Variants in DCC observed in about 807,000 individuals in gnomAD.
DCC encodes DCC netrin 1 receptor.
A neutral mutation model predicts 172.5 loss-of-function variants in DCC; 58 were observed. That is an observed-to-expected ratio of 0.34 (90% CI 0.27 to 0.42). DCC has a LOEUF of 0.42. Among genes scored for constraint, DCC ranks in the 10% least tolerant of loss-of-function variants. The probability of loss-of-function intolerance (pLI) is 1.00; values close to 1 mark genes in which losing one functional copy is unlikely to be tolerated. For synonymous variants in DCC, 709 were observed against 644.5 expected (o/e 1.10, Z -1.52); for missense variants, 1,740 against 1,791.0 (o/e 0.97, Z 0.51).
At chr18:52,762,964 T>G (rs1250794954) in intron 2 of DCC, among the ~76,000 whole-genome samples, 1 of 152,170 alleles carries the variant, frequency 6.6e-6, no homozygotes, top group Non-Finnish European at 1.5e-5. Flanking sequence ...CAGAGATATT[T>G]AGATATAAAC....
intron 2 of DCC, among the ~76,000 whole-genome samples, chr18:52,781,578 A>G (rs905142367): frequency 6.6e-6 from 1 of 152,130 alleles, no homozygotes; most frequent in Non-Finnish European, 1.5e-5. Flanking sequence ...GTATTAATAT[A>G]TATAGTATTA....
At chr18:52,634,818 T>TC (rs1372057253) in intron 1 of DCC, among the ~76,000 whole-genome samples, 1 of 152,120 alleles carries the variant, frequency 6.6e-6, no homozygotes, top group Non-Finnish European at 1.5e-5. Flanking sequence ...GGTGCAGAGG[T>TC]CCTGGGCCTT....
intron 7 of DCC, among the ~76,000 whole-genome samples, chr18:53,131,371 C>G (rs187222934): frequency 9.2e-5 from 14 of 152,142 alleles, no homozygotes; most frequent in African/African-American, 3.1e-4. Flanking sequence ...GATTGCTAGA[C>G]AAAATATCTC....
chr18:52,445,912 T>TTTTGTTTG (rs1008866663), intron 1 of DCC, among the ~76,000 whole-genome samples: 1 of 152,094 alleles, frequency 6.6e-6, no homozygotes, highest in African/African-American at 2.4e-5. Context: ...CTTACCAGTT[T>TTTTGTTTG]TTTGTTTGTT....
chr18:52,780,449 G>T (rs910402705), intron 2 of DCC, among the ~76,000 whole-genome samples: 1 of 152,128 alleles, frequency 6.6e-6, no homozygotes, highest in African/African-American at 2.4e-5. Context: ...AAGGGTCATG[G>T]CTGTGACTTC....
intron 5 of DCC, among the ~76,000 whole-genome samples, chr18:53,061,788 A>G (rs2042498842): frequency 6.6e-6 from 1 of 152,048 alleles, no homozygotes; most frequent in Non-Finnish European, 1.5e-5. Context: ...TCCATTTGTA[A>G]AGTGGGGATA....
intron 12 of DCC, among the ~76,000 whole-genome samples, chr18:53,278,204 T>C (rs979056084): frequency 6.6e-6 from 1 of 152,164 alleles, no homozygotes; most frequent in African/African-American, 2.4e-5. Flanking sequence ...CTCATGGTGC[T>C]TTCATTCACA....
Position 53,224,485 on chromosome 18 carries a change from C to T in DCC, c.1911+8888C>T, listed in dbSNP as rs1598922285. ...ATTGAAAGGAGAGTAATCAGATTCA[C>T]CTTTTTTAAGAATTACACTGACTAC... On this transcript the variant is annotated intron_variant, in intron 12 of 28. Coordinates refer to ENST00000442544, the MANE Select transcript of DCC (RefSeq NM_005215.4). Among the ~76,000 whole-genome samples, 5 of 152,094 alleles carry T rather than the reference C, an allele frequency of 3.3e-5. No individual in the cohort carries two copies. The South Asian group carries it at 1.0e-3, about 32-fold the overall frequency.
intron 5 of DCC, chr18:52,940,932 T>C (rs1022031560): frequency 3.3e-5 from 5 of 152,122 alleles, no homozygotes; most frequent in Admixed American, 6.6e-5. Context: ...AAAGTTCTAC[T>C]GAGTACATTC....
chr18:53,210,748 A>T (rs1017969423), intron 11 of DCC, among the ~76,000 whole-genome samples: 4 of 152,184 alleles, frequency 2.6e-5, no homozygotes, highest in East Asian at 1.9e-4. Context: ...AAAAATTTTT[A>T]AAAAAGCAAA....
chr18:52,529,286 T>C (rs1249329954), intron 1 of DCC, among the ~76,000 whole-genome samples: 1 of 152,134 alleles, frequency 6.6e-6, no homozygotes, highest in Non-Finnish European at 1.5e-5. Context: ...TTTTTTGGTT[T>C]GTTTGTTTTT....
intron 7 of DCC, among the ~76,000 whole-genome samples, chr18:53,103,317 C>CA (rs2043199822): frequency 6.6e-6 from 1 of 152,030 alleles, no homozygotes; most frequent in African/African-American, 2.4e-5. Flanking sequence ...AATAGGGGAA[C>CA]ACAAAGCAAT....
intron 1 of DCC, among the ~76,000 whole-genome samples, chr18:52,377,046 ATAAAACCCTT>A (rs1227590919): frequency 6.6e-6 from 1 of 152,330 alleles, no homozygotes; most frequent in Admixed American, 6.5e-5. Context: ...TTCTTCAGGC[ATAAAACCCTT>A]TTGAGAAAAG....
chr18:53,484,462 A>AT (rs1207294685), intron 25 of DCC, among the ~76,000 whole-genome samples: 2 of 151,602 alleles, frequency 1.3e-5, no homozygotes, highest in Non-Finnish European at 2.9e-5. Flanking sequence ...TTTATTTTTG[A>AT]TTTTGAAGCC....
intron 26 of DCC, among the ~76,000 whole-genome samples, chr18:53,498,306 C>CTCTT (rs2046050512): frequency 6.6e-6 from 1 of 152,170 alleles, no homozygotes; most frequent in South Asian, 2.1e-4. Flanking sequence ...GTTAAAAATT[C>CTCTT]TCTTTCAAAA....
At chr18:52,900,831 G>T (rs2039798944) in intron 2 of DCC, among the ~76,000 whole-genome samples, 1 of 152,162 alleles carries the variant, frequency 6.6e-6, no homozygotes, top group South Asian at 2.1e-4. Context: ...TAGGAACTTT[G>T]AAATTCATTC....
At chr18:52,875,279 T>A (rs2039386687) in intron 2 of DCC, among the ~76,000 whole-genome samples, 2 of 151,980 alleles carry the variant, frequency 1.3e-5, no homozygotes, top group African/African-American at 4.8e-5. Context: ...CTTGCCAGAA[T>A]CAATAAAAAT....
chr18:53,246,457 A>G (rs2056365975), intron 12 of DCC, among the ~76,000 whole-genome samples: 1 of 152,038 alleles, frequency 6.6e-6, no homozygotes, highest in Non-Finnish European at 1.5e-5. Context: ...CAACAAGGAA[A>G]TGCAATGATA....
intron 23 of DCC, among the ~76,000 whole-genome samples, chr18:53,454,410 CAAT>C (rs1259143077): frequency 3.9e-5 from 6 of 152,110 alleles, no homozygotes; most frequent in Non-Finnish European, 5.9e-5. Context: ...TTTAATAAGG[CAAT>C]AACATTTTCT....
Sources: gnomAD v4.1 joint callset for allele counts (sites outside exome capture counted in the v4.1 genomes callset) on GRCh38, gnomAD v4.1.1 for gene constraint, MANE v1.5 for transcripts, NCBI Gene and HGNC (gene_info 2026-07-23, HGNC 2026-07-21) for gene names.